Variants in KCNU1 observed in about 807,000 individuals in gnomAD.
KCNU1 encodes potassium calcium-activated channel subfamily U member 1.
In KCNU1, 93 loss-of-function variants were observed where a neutral mutation model predicts 126.8. That is an observed-to-expected ratio of 0.73 (90% CI 0.62 to 0.87). The LOEUF (loss-of-function observed/expected upper bound fraction) is 0.87. Ranked by LOEUF, KCNU1 falls within the 40% of genes least tolerant of loss-of-function variation. KCNU1 has a pLI of 0.00. For synonymous variants in KCNU1, 523 were observed against 494.2 expected (o/e 1.06, Z -0.77); for missense variants, 1,330 against 1,367.1 (o/e 0.97, Z 0.43).
At chr8:36,811,400 G>C (rs1012319374) in intron 7 of KCNU1, among the ~76,000 whole-genome samples, 1 of 152,038 alleles carries the variant, frequency 6.6e-6, no homozygotes, top group African/African-American at 2.4e-5. Context: ...ATACAGGGGG[G>C]AACCAATGAG....
chr8:36,896,484 C>A (rs1483267972), intron 19 of KCNU1, among the ~76,000 whole-genome samples: 4 of 151,908 alleles, frequency 2.6e-5, no homozygotes, highest in African/African-American at 9.7e-5. Flanking sequence ...GTAAATAATA[C>A]TTTTAAAGAG....
At chr8:36,815,747 C>T (rs1384146119) in intron 9 of KCNU1, 60 bp downstream of exon 9, 4 of 948,542 alleles carry the variant, frequency 4.2e-6, no homozygotes, top group Non-Finnish European at 6.6e-6. Context: ...CCATATATCT[C>T]GTTCTAGACA....
At chr8:36,930,498 C>T (rs10097345) in intron 24 of KCNU1, among the ~76,000 whole-genome samples, 88,082 of 151,944 alleles carry the variant, frequency 0.58, 25,605 homozygotes, top group Middle Eastern at 0.62. Context: ...ATAAGTAAAT[C>T]CACATCCACA....
In KCNU1 at chr8:36,871,975, T is replaced by TAAAG. The variant is rs1341077496; in HGVS notation, c.2009+7454_2009+7455insAAAG. 3.3e-3 allele frequency among the ~76,000 whole-genome samples: 503 copies of TAAAG among 152,294 alleles called. 4 individuals are homozygous for TAAAG. Among genetic ancestry groups the TAAAG allele is most frequent in the Non-Finnish European group, 6.1e-3 (412 of 68,022 alleles). On this transcript the variant is annotated intron_variant, in intron 19 of 26. Coordinates refer to ENST00000399881, the MANE Select transcript of KCNU1 (RefSeq NM_001031836.3). ...AGGTTATGCGAAGCTTAGTCACTGT[T>TAAAG]TCTAAGTAAAACTCTCTTCAAGGCC...
At chr8:36,914,818 T>G (rs1808034118) in intron 22 of KCNU1, among the ~76,000 whole-genome samples, 1 of 152,246 alleles carries the variant, frequency 6.6e-6, no homozygotes, top group Non-Finnish European at 1.5e-5. Flanking sequence ...CAACTTAATA[T>G]GCTACTGAAA....
At chr8:36,899,210 T>G (rs750013253) in intron 19 of KCNU1, among the ~76,000 whole-genome samples, 5 of 152,054 alleles carry the variant, frequency 3.3e-5, no homozygotes, top group Admixed American at 6.6e-5. Flanking sequence ...GTTTATCTAA[T>G]AGAAACTCTA....
intron 2 of KCNU1, among the ~76,000 whole-genome samples, chr8:36,792,762 CATT>C (rs1334351985): frequency 3.9e-5 from 6 of 151,964 alleles, no homozygotes. Flanking sequence ...ACATTATAAT[CATT>C]ATTATAGTGT....
chr8:36,848,220 A>C (rs1309447619), intron 18 of KCNU1, among the ~76,000 whole-genome samples: 1 of 152,174 alleles, frequency 6.6e-6, no homozygotes, highest in African/African-American at 2.4e-5. Context: ...AATGGTTTGC[A>C]AATATTTTCT....
chr8:36,904,125 G>C (rs1385210618), intron 19 of KCNU1, among the ~76,000 whole-genome samples: 2 of 152,140 alleles, frequency 1.3e-5, no homozygotes, highest in Non-Finnish European at 2.9e-5. Flanking sequence ...ATGTACCATG[G>C]AACATGTGTT....
intron 10 of KCNU1, among the ~76,000 whole-genome samples, chr8:36,818,978 T>A (rs185983115): frequency 4.6e-5 from 7 of 152,324 alleles, no homozygotes; most frequent in African/African-American, 1.7e-4. Context: ...AAGCTAATTA[T>A]TATAATCCAA....
At chr8:36,861,902 G>A (rs776901836) in intron 18 of KCNU1, among the ~76,000 whole-genome samples, 6 of 152,182 alleles carry the variant, frequency 3.9e-5, no homozygotes, top group Non-Finnish European at 7.4e-5. Context: ...CTTTTTGAAA[G>A]AGAAAGGTAA....
chr8:36,879,867 T>G (rs1280595784), intron 19 of KCNU1, among the ~76,000 whole-genome samples: 1 of 152,184 alleles, frequency 6.6e-6, no homozygotes, highest in Non-Finnish European at 1.5e-5. Flanking sequence ...GGGTATTTGT[T>G]ACATTTTAAT....
At chr8:36,841,123 G>T in intron 16 of KCNU1, 120 bp downstream of exon 16, 1 of 704,506 alleles carries the variant, frequency 1.4e-6, no homozygotes. Context: ...TTTCCCTTTG[G>T]TGGATTGGCT....
intron 10 of KCNU1, among the ~76,000 whole-genome samples, chr8:36,821,229 A>G (rs1224832622): frequency 1.3e-5 from 2 of 152,192 alleles, no homozygotes; most frequent in Admixed American, 1.3e-4. Flanking sequence ...AGAATTACGG[A>G]CAGTAGATTA....
rs368063156 is a variant in KCNU1 at position 36,864,474 on chromosome 8, G to T, written c.1962G>T (p.Pro654=). ...CTCGTATATCAGGGCAGGATTCTCC[G>T]CCAAGGGTATCTGCAAGCACTTCGA... The part of the protein sequence containing the change: ...ISSRISGQDS[P]PRVSASTSSI... Residue 654 remains proline, a synonymous_variant, in exon 19 of 27, where the codon CCG becomes CCT. Transcript: ENST00000399881. 1 of 1,612,984 alleles carries T rather than the reference G, an allele frequency of 6.2e-7. No homozygotes were observed. Among genetic ancestry groups the T allele is most frequent in the Non-Finnish European group, 8.5e-7 (1 of 1,179,214 alleles).
intron 19 of KCNU1, among the ~76,000 whole-genome samples, chr8:36,867,188 G>T (rs1805941739): frequency 6.6e-6 from 1 of 152,136 alleles, no homozygotes; most frequent in African/African-American, 2.4e-5. Flanking sequence ...CTACATTGAT[G>T]GTTCTGGCAG....
At chr8:36,883,253 C>T (rs962120329) in intron 19 of KCNU1, among the ~76,000 whole-genome samples, 5 of 152,146 alleles carry the variant, frequency 3.3e-5, no homozygotes, top group South Asian at 2.1e-4. Flanking sequence ...AGTTGGTGAC[C>T]TATCATGCTT....
At position 36,861,106 on chromosome 8, in the gene KCNU1, C is replaced by T. The variant is rs1220318739; in HGVS notation, c.1892-3298C>T. Among the ~76,000 whole-genome samples, 3 of 152,066 alleles carry T rather than the reference C, an allele frequency of 2.0e-5. No individual in the cohort carries two copies. The East Asian group carries it at 5.8e-4, about 29-fold the overall frequency. ...GAAGAACAGTCAGAAGTCCCCTGGT[C>T]TTAGGTTAGGTAGGAGAAAGAATAG... On this transcript the variant is annotated intron_variant, in intron 18 of 26. Coordinates refer to ENST00000399881, the MANE Select transcript of KCNU1 (RefSeq NM_001031836.3).
In KCNU1 at chr8:36,909,536, G is replaced by T. The variant is rs1282895956; in HGVS notation, c.2331+1G>T. 4.6e-6 allele frequency: 7 copies of T among 1,507,456 alleles called. No individual in the cohort carries two copies. The highest frequency in any genetic ancestry group is 5.5e-6 in the Non-Finnish European group (6 of 1,083,886). 93.4% of individuals were successfully genotyped at this position (1,507,456 alleles called of 1,614,324 possible). ...TTTTCCCCAGATATACATTCTGCCT[G>T]TAAGTATCATATAAGGAAAAGTTAA... is the stretch of plus-strand genomic sequence containing the variant. On this transcript the variant is annotated splice_donor_variant, in intron 21 of 26. Coordinates refer to ENST00000399881, the MANE Select transcript of KCNU1 (RefSeq NM_001031836.3). LOFTEE classifies it high-confidence loss of function.
Sources: gnomAD v4.1 joint callset for allele counts (sites outside exome capture counted in the v4.1 genomes callset) on GRCh38, gnomAD v4.1.1 for gene constraint, MANE v1.5 for transcripts, NCBI Gene and HGNC (gene_info 2026-07-23, HGNC 2026-07-21) for gene names.